The following LSM14B variants were observed in gnomAD, a reference collection of about 807,000 sequenced individuals.
LSM14B encodes the protein LSM family member 14B.
A neutral mutation model predicts 42.1 loss-of-function variants in LSM14B; 8 were observed. The observed-to-expected ratio is 0.19, with a 90% CI of 0.11 to 0.34. The LOEUF (loss-of-function observed/expected upper bound fraction) is 0.34, where lower values mean the gene tolerates loss of function less well. LSM14B is among the 10% of genes least tolerant of loss of function. LSM14B has a pLI of 1.00. For synonymous variants in LSM14B, 219 were observed against 209.7 expected (o/e 1.04, Z -0.38); for missense variants, 396 against 513.1 (o/e 0.77, Z 2.21).
chr20:62,125,803 T>C (rs2056579018), intron 2 of LSM14B, among the ~76,000 whole-genome samples: 1 of 152,184 alleles, frequency 6.6e-6, no homozygotes, highest in Non-Finnish European at 1.5e-5. Flanking sequence ...AAGACACCTG[T>C]AATCCCAGCA....
intron 7 of LSM14B, among the ~76,000 whole-genome samples, chr20:62,132,247 C>CA (rs2056789198): frequency 6.6e-6 from 1 of 152,212 alleles, no homozygotes; most frequent in Non-Finnish European, 1.5e-5. Flanking sequence ...ACAGGCAGAG[C>CA]AGGCTGCGCA....
At position 62,129,965 on chromosome 20, in the gene LSM14B, A is replaced by G. The variant is rs2056717800; in HGVS notation, c.595+13A>G. The G allele has an allele frequency of 6.3e-7, 1 of 1,599,476 alleles. No homozygotes were observed. The highest frequency in any genetic ancestry group is 8.5e-7 in the Non-Finnish European group (1 of 1,173,772). On this transcript the variant is annotated intron_variant, in intron 4 of 8. Transcript: ENST00000279068. ...AAGACGGCCAGCGGTACTTGAACAC[A>G]TCATTTCCTGGAGTTTGCTTGATGT...
At position 62,122,863 on chromosome 20, in the gene LSM14B, C is replaced by CCGCCCCGGGG. The variant is rs1205968967; in HGVS notation, c.127+79_127+88dup. 2 of 1,287,332 alleles carry CCGCCCCGGGG rather than the reference C, an allele frequency of 1.6e-6. No homozygotes were observed. The highest frequency in any genetic ancestry group is 7.2e-5 in the East Asian group (2 of 27,780). The allele number at this position is 1,287,332 out of a possible 1,614,324, so 79.7% of individuals were successfully genotyped here. ...ACAGCCCCGGCCTGCGGTGCCCTCCCCGCCCCGGGGCGCCCCGGAGCCTGG... is the reference window on the plus strand; with the variant it reads ...ACAGCCCCGGCCTGCGGTGCCCTCCCCGCCCCGGGGCGCCCCGGGGCGCCCCGGAGCCTGG... On this transcript the variant is annotated intron_variant, in intron 1 of 8. Coordinates refer to ENST00000279068, the MANE Select transcript of LSM14B (RefSeq NM_144703.3). This position sits in a 1 kb window ranked among gnomAD's most constrained non-coding sequence, Gnocchi z 4.6.
intron 2 of LSM14B, 65 bp from the exon 3 acceptor site, chr20:62,126,239 C>G: frequency 6.2e-7 from 1 of 1,610,978 alleles, no homozygotes; most frequent in South Asian, 1.1e-5. Context: ...AACAAGCGCC[C>G]TGATGAAGGC....
intron 1 of LSM14B, chr20:62,123,041 G>T: frequency 4.7e-6 from 1 of 214,800 alleles, no homozygotes; most frequent in Non-Finnish European, 9.1e-6. Context: ...GGGCTCCCAG[G>T]GCGGCGGGAT....
rs1055283687 is a variant in LSM14B at position 62,127,614 on chromosome 20, G to A, written c.427+1175G>A. On this transcript the variant is annotated intron_variant, in intron 3 of 8. Transcript: ENST00000279068. Reference sequence around the variant, plus strand: ...GTTGGTAAGCCCTCCAGCCTCAGCCGCTGCTTCCAGCCCTAGCTCTTCTCC... The same window carrying A: ...GTTGGTAAGCCCTCCAGCCTCAGCCACTGCTTCCAGCCCTAGCTCTTCTCC... The A allele has an allele frequency of 1.2e-5, 19 of 1,551,056 alleles. No individual in the cohort carries two copies. The African/African-American group carries it at 1.5e-4, about 12-fold the overall frequency.
chr20:62,124,002 G>A (rs2145590418), intron 1 of LSM14B, among the ~76,000 whole-genome samples: 1 of 152,356 alleles, frequency 6.6e-6, no homozygotes, highest in African/African-American at 2.4e-5. Context: ...GCCCCTAGAG[G>A]CTTGCTAGAA....
intron 1 of LSM14B, among the ~76,000 whole-genome samples, chr20:62,124,255 G>A (rs573364595): frequency 6.6e-5 from 10 of 152,386 alleles, no homozygotes; most frequent in African/African-American, 2.4e-4. Context: ...TAAAGCAGCC[G>A]GCTGGCTGTT....
Position 62,130,675 on chromosome 20 carries a change from G to A in LSM14B, c.819G>A (p.Lys273=), listed in dbSNP as rs751637631. Residue 273 remains lysine, a synonymous_variant, in exon 6 of 9, where the codon AAG becomes AAA. Coordinates refer to ENST00000279068, the MANE Select transcript of LSM14B (RefSeq NM_144703.3). This position sits in a 1 kb window ranked among gnomAD's most constrained non-coding sequence, Gnocchi z 4.1. ...NREELDKEFK[K]KLNFKDDKAE... is the part of the protein sequence containing the mutation. ...AGGAGCTTGACAAAGAATTTAAGAA[G>A]AAACTGAATTTTAAAGGTTTGGCTC... is the stretch of plus-strand genomic sequence containing the variant. 6.2e-7 allele frequency: 1 copy of A among 1,613,568 alleles called. No homozygotes were observed. Among genetic ancestry groups the A allele is most frequent in the Non-Finnish European group, 8.5e-7 (1 of 1,179,778 alleles).
At position 62,130,420 on chromosome 20, in the gene LSM14B, G is replaced by A; in HGVS notation, c.674-110G>A. On this transcript the variant is annotated intron_variant, in intron 5 of 8. Transcript: ENST00000279068. The surrounding 1 kb of genome is among the most constrained non-coding windows in gnomAD (Gnocchi z 4.1). Reference sequence around the variant, plus strand: ...GCTGGTGTGAAGTCGCTGCTTGTGTGCTCTGTTCCTTCTGTGGCCTTGGGG... The same window carrying A: ...GCTGGTGTGAAGTCGCTGCTTGTGTACTCTGTTCCTTCTGTGGCCTTGGGG... 1 of 1,536,380 alleles carries A rather than the reference G, an allele frequency of 6.5e-7. No individual in the cohort carries two copies. Among genetic ancestry groups the A allele is most frequent in the Non-Finnish European group, 8.8e-7 (1 of 1,132,416 alleles).
Position 62,129,803 on chromosome 20 carries a change from T to A in LSM14B, c.446T>A (p.Ile149Asn), listed in dbSNP as rs1038187155. 1 of 1,610,732 alleles carries A rather than the reference T, an allele frequency of 6.2e-7. No individual in the cohort carries two copies. The highest frequency in any genetic ancestry group is 1.3e-5 in the African/African-American group (1 of 74,930). Residue 149 changes from isoleucine (I) to asparagine (N), a missense_variant, in exon 4 of 9, where the codon ATC becomes AAC. This residue lies in a region of LSM14B where 274 missense variants were observed against 335.8 expected (regional missense o/e 0.82). Coordinates refer to ENST00000279068, the MANE Select transcript of LSM14B (RefSeq NM_144703.3). ...AATTCAGGAGCTGGTTTTCCATCCA[T>A]CCCAGTCGGCAAGAGCCCCATGGTG... ...SLGLGAGFPS[I>N]PVGKSPMVEQ... is the part of the protein sequence containing the mutation.
intron 3 of LSM14B, chr20:62,128,058 G>GATCTA: frequency 1.8e-6 from 1 of 552,404 alleles, no homozygotes; most frequent in Non-Finnish European, 3.3e-6. Context: ...ACTCCCCAAA[G>GATCTA]CACCTGACAT....
Position 62,126,322 on chromosome 20 carries a change from T to G in LSM14B, c.310T>G (p.Ser104Ala). ...AIVQSSLGSA[S>A]ASPFQPHVPY... ...TGTTCAGTCTTCCCTGGGTTCTGCC[T>G]CCGCCTCGCCCTTCCAGCCGCACGT... is the stretch of plus-strand genomic sequence containing the variant. The change falls in exon 3 of 9, where the codon TCC becomes GCC. Residue 104 changes from serine to alanine, a missense_variant. Ser to Ala is a moderately conservative substitution (Grantham distance 99). Transcript: ENST00000279068. 1 of 1,613,874 alleles carries G rather than the reference T, an allele frequency of 6.2e-7. No homozygotes were observed. Among genetic ancestry groups the G allele is most frequent in the East Asian group, 2.2e-5 (1 of 44,884 alleles).
At chr20:62,125,646 C>G (rs1020496089) in intron 2 of LSM14B, among the ~76,000 whole-genome samples, 1 of 152,264 alleles carries the variant, frequency 6.6e-6, no homozygotes, top group Non-Finnish European at 1.5e-5. Flanking sequence ...TAAATATTCA[C>G]TAGCTCCTCT....
intron 7 of LSM14B, 83 bp from the exon 8 acceptor site, chr20:62,133,206 TC>T: frequency 6.5e-7 from 1 of 1,539,486 alleles, no homozygotes; most frequent in Admixed American, 1.9e-5. Flanking sequence ...TGTCCCTCCT[TC>T]CCTGGGCCGC....
chr20:62,133,532 T>C (rs2056826463), intron 8 of LSM14B, 57 bp downstream of exon 8: 2 of 1,551,652 alleles, frequency 1.3e-6, no homozygotes, highest in Non-Finnish European at 1.7e-6. Flanking sequence ...CAGGCACACC[T>C]GGAGAGCTTA....
chr20:62,129,513 C>T (rs2056702016), intron 3 of LSM14B, among the ~76,000 whole-genome samples: 1 of 152,088 alleles, frequency 6.6e-6, no homozygotes, highest in Non-Finnish European at 1.5e-5. Flanking sequence ...CCTTGAGGTT[C>T]CCTAACTTGG....
intron 7 of LSM14B, among the ~76,000 whole-genome samples, chr20:62,132,418 G>A (rs1224139386): frequency 5.3e-5 from 8 of 152,224 alleles, no homozygotes; most frequent in South Asian, 2.1e-4. Context: ...GTTTTACGGC[G>A]TCCTTGGTGA....
chr20:62,132,837 T>TGTA (rs746290404), intron 7 of LSM14B, among the ~76,000 whole-genome samples: 3 of 152,166 alleles, frequency 2.0e-5, no homozygotes, highest in Non-Finnish European at 4.4e-5. Context: ...GTGTCCATGC[T>TGTA]GTATCCCTGT....
Sources: gnomAD v4.1 joint callset for allele counts (sites outside exome capture counted in the v4.1 genomes callset) on GRCh38, gnomAD v4.1.1 for gene constraint, gnomAD v4.1.1 regional missense constraint, Gnocchi (gnomAD v3.1) non-coding constraint, MANE v1.5 for transcripts, NCBI Gene and HGNC (gene_info 2026-07-23, HGNC 2026-07-21) for gene names.